Variants in ZNF695 observed in about 807,000 individuals in gnomAD.
ZNF695 encodes zinc finger protein 695, also known as zinc finger protein SBZF3.
ZNF695 carries 11 observed loss-of-function variants against 11.2 expected under a neutral mutation model. That is an observed-to-expected ratio of 0.98 (90% CI 0.62 to 1.62). The LOEUF (loss-of-function observed/expected upper bound fraction) is 1.62. Ranked by LOEUF, ZNF695 falls within the 40% of genes most tolerant of loss-of-function variation. The pLI is 0.00. For synonymous variants in ZNF695, 190 were observed against 201.4 expected, an observed-to-expected ratio of 0.94 and a Z score of 0.48; for missense variants, 559 against 590.5, an observed-to-expected ratio of 0.95 and a Z score of 0.55.
intron 5 of ZNF695, among the ~76,000 whole-genome samples, chr1:246,950,477 T>C (rs1042566004): frequency 1.3e-5 from 2 of 151,932 alleles, no homozygotes; most frequent in Non-Finnish European, 2.9e-5. Flanking sequence ...CGGTGAAATT[T>C]CATTTCTACT....
chr1:246,992,199 G>A (rs1669062750), intron 3 of ZNF695, among the ~76,000 whole-genome samples: 1 of 152,100 alleles, frequency 6.6e-6, no homozygotes, highest in Non-Finnish European at 1.5e-5. Flanking sequence ...TATAGACAAT[G>A]GAGTACTATT....
chr1:246,999,460 G>C lies in ZNF695; in HGVS notation c.167-20C>G. ...CAAGACCTGTTTTATTAGAAAAAAG[G>C]TGCATGATTCTTGCAGGGATTCTTT... On this transcript the variant is annotated intron_variant, in intron 2 of 3. Coordinates refer to ENST00000339986, the MANE Select transcript of ZNF695 (RefSeq NM_020394.5). 2 of 1,595,726 alleles carry C rather than the reference G, an allele frequency of 1.3e-6. No individual in the cohort carries two copies. The highest frequency in any genetic ancestry group is 1.7e-6 in the Non-Finnish European group (2 of 1,164,312).
intron 5 of ZNF695, among the ~76,000 whole-genome samples, chr1:246,952,549 C>CTT (rs11326820): frequency 1.5e-5 from 2 of 137,372 alleles, no homozygotes; most frequent in Non-Finnish European, 1.6e-5. Flanking sequence ...TCTTCTTCTT[C>CTT]TTTTTTTTTT....
At chr1:246,964,609 G>A (rs1179330738) in intron 5 of ZNF695, among the ~76,000 whole-genome samples, 3 of 152,258 alleles carry the variant, frequency 2.0e-5, no homozygotes, top group African/African-American at 7.2e-5. Flanking sequence ...AGTGGCCCAT[G>A]CCTATAATCC....
downstream of ZNF695, among the ~76,000 whole-genome samples, chr1:246,980,640 A>T (rs947800398): frequency 6.6e-6 from 1 of 151,080 alleles, no homozygotes; most frequent in South Asian, 2.1e-4. Flanking sequence ...CTGGTTTTGA[A>T]CTCCTGACCA....
At chr1:246,971,752 A>G (rs1243016230) in intron 4 of ZNF695, among the ~76,000 whole-genome samples, 1 of 152,158 alleles carries the variant, frequency 6.6e-6, no homozygotes, top group Non-Finnish European at 1.5e-5. Flanking sequence ...CATATCTGTA[A>G]TCTATTTCTA....
chr1:246,986,235 T>A lies in ZNF695; in HGVS notation c.*732A>T. ...AGGCATGTGCCACCAAGCCTGGCTTTTATTTTACTTTTTGTAGAGATGAGG... is the reference window on the plus strand; with the variant it reads ...AGGCATGTGCCACCAAGCCTGGCTTATATTTTACTTTTTGTAGAGATGAGG... On this transcript the variant is annotated 3_prime_UTR_variant, in exon 4 of 4. Transcript: ENST00000339986. 3 of 548,532 alleles carry A rather than the reference T, an allele frequency of 5.5e-6. No homozygotes were observed. Among genetic ancestry groups the A allele is most frequent in the Non-Finnish European group, 7.0e-6 (3 of 430,992 alleles). 34.0% of individuals were successfully genotyped at this position (548,532 alleles called of 1,614,324 possible). A position where few individuals can be genotyped will look rare whatever the true frequency, so the allele number is the denominator to read the frequency against.
chr1:246,960,335 AGGC>A (rs1668132353), intron 5 of ZNF695, among the ~76,000 whole-genome samples: 1 of 152,238 alleles, frequency 6.6e-6, no homozygotes, highest in African/African-American at 2.4e-5. Context: ...GTACTCAAGC[AGGC>A]TGATATGATT....
intron 1 of ZNF695, among the ~76,000 whole-genome samples, chr1:247,004,865 A>T (rs1205927510): frequency 6.6e-6 from 1 of 152,228 alleles, no homozygotes; most frequent in African/African-American, 2.4e-5. Context: ...GAATAAACTT[A>T]ACCAAAGAAG....
intron 4 of ZNF695, chr1:246,968,792 A>T (rs1479632186): frequency 1.3e-5 from 2 of 152,508 alleles, no homozygotes; most frequent in African/African-American, 4.8e-5. Flanking sequence ...CTTGTGTCTT[A>T]TACCCTCTGG....
chr1:246,982,099 G>A (rs964847030), downstream of ZNF695, among the ~76,000 whole-genome samples: 3 of 151,768 alleles, frequency 2.0e-5, no homozygotes, highest in Non-Finnish European at 4.4e-5. Flanking sequence ...GGAGAAACCC[G>A]GACTCTACTA....
At chr1:246,961,407 A>T (rs1668161102) in intron 5 of ZNF695, among the ~76,000 whole-genome samples, 1 of 152,210 alleles carries the variant, frequency 6.6e-6, no homozygotes. Context: ...TGCCTCCCAC[A>T]GTGCCTGTTC....
downstream of ZNF695, among the ~76,000 whole-genome samples, chr1:246,983,171 T>A (rs906051899): frequency 1.3e-5 from 2 of 148,782 alleles, no homozygotes; most frequent in African/African-American, 5.0e-5. Flanking sequence ...GCCACTACAC[T>A]CCAGCCTGGG....
At chr1:246,980,396 A>G (rs1328759189), downstream of ZNF695, among the ~76,000 whole-genome samples, 1 of 146,608 alleles carries the variant, frequency 6.8e-6, no homozygotes, top group Non-Finnish European at 1.5e-5. Flanking sequence ...TATGCAAACT[A>G]TAAGATTTGC....
intron 3 of ZNF695, among the ~76,000 whole-genome samples, chr1:246,998,356 T>C (rs1355441987): frequency 1.3e-5 from 2 of 152,202 alleles, no homozygotes; most frequent in Non-Finnish European, 2.9e-5. Context: ...TTAAGAAATC[T>C]AGGATATGAG....
At chr1:246,950,855 T>C (rs1667855715) in intron 5 of ZNF695, among the ~76,000 whole-genome samples, 1 of 152,134 alleles carries the variant, frequency 6.6e-6, no homozygotes, top group Admixed American at 6.5e-5. Flanking sequence ...CCTCCTAGGA[T>C]GACTGTGAAA....
At chr1:246,970,624 A>G (rs1668400811) in intron 4 of ZNF695, among the ~76,000 whole-genome samples, 1 of 152,268 alleles carries the variant, frequency 6.6e-6, no homozygotes, top group African/African-American at 2.4e-5. Context: ...ACGGGAATCT[A>G]TAAGCTAAAC....
At chr1:246,947,206 G>GGGT (rs1558300051) in intron 5 of ZNF695, among the ~76,000 whole-genome samples, 28 of 124,962 alleles carry the variant, frequency 2.2e-4, no homozygotes, top group African/African-American at 7.1e-4. Flanking sequence ...TGGGGGGGTG[G>GGGT]TTTTTTTTTT....
intron 5 of ZNF695, among the ~76,000 whole-genome samples, chr1:246,948,621 T>C (rs561467814): frequency 2.0e-5 from 3 of 152,330 alleles, no homozygotes; most frequent in South Asian, 4.1e-4. Context: ...TTCACAGGGC[T>C]GCCACTGTAG....
Sources: allele counts gnomAD v4.1 joint callset (sites outside exome capture counted in the v4.1 genomes callset), GRCh38; gene constraint gnomAD v4.1.1; transcripts MANE v1.5; gene names NCBI Gene and HGNC (gene_info 2026-07-23, HGNC 2026-07-21).